The following MACROD2 variants were observed in gnomAD, a reference collection of about 807,000 sequenced individuals.
The protein encoded by MACROD2 is mono-ADP ribosylhydrolase 2, also known as ADP-ribose glycohydrolase MACROD2.
Under a neutral mutation model 70.4 loss-of-function variants are expected in MACROD2, and 36 were observed. That is an observed-to-expected ratio of 0.51 (90% CI 0.39 to 0.68). The LOEUF (loss-of-function observed/expected upper bound fraction) is 0.68. MACROD2 is among the 30% of genes least tolerant of loss of function. The pLI is 0.00. For synonymous variants in MACROD2, 172 were observed against 178.8 expected (o/e 0.96, Z 0.30); for missense variants, 496 against 538.4 (o/e 0.92, Z 0.78).
chr20:15,310,504 T>A (rs922494787), intron 6 of MACROD2, among the ~76,000 whole-genome samples: 3 of 152,104 alleles, frequency 2.0e-5, no homozygotes, highest in African/African-American at 7.2e-5. Context: ...AATAAAATGG[T>A]TCACTGGAAG....
At chr20:15,844,070 C>A (rs1348069296) in intron 8 of MACROD2, among the ~76,000 whole-genome samples, 1 of 151,616 alleles carries the variant, frequency 6.6e-6, no homozygotes, top group Non-Finnish European at 1.5e-5. Context: ...ATATGAGTAG[C>A]AAAAATGTAC....
intron 3 of MACROD2, among the ~76,000 whole-genome samples, chr20:14,371,896 G>C (rs572706704): frequency 9.1e-4 from 138 of 151,810 alleles, no homozygotes; most frequent in African/African-American, 3.1e-3. Flanking sequence ...AATTACTCGA[G>C]GGCCTTTTCT....
intron 3 of MACROD2, among the ~76,000 whole-genome samples, chr20:14,249,263 A>G (rs888907456): frequency 2.6e-5 from 4 of 151,674 alleles, no homozygotes; most frequent in Non-Finnish European, 4.4e-5. Context: ...ACCACCCTCA[A>G]TTGTGGCAGG....
At chr20:14,813,662 G>A (rs1353032485) in intron 5 of MACROD2, among the ~76,000 whole-genome samples, 1 of 152,004 alleles carries the variant, frequency 6.6e-6, no homozygotes, top group Non-Finnish European at 1.5e-5. Flanking sequence ...TGTGGGAAGG[G>A]GTGTGGAGTT....
At chr20:14,747,711 G>A (rs1180856260) in intron 5 of MACROD2, among the ~76,000 whole-genome samples, 2 of 152,076 alleles carry the variant, frequency 1.3e-5, no homozygotes, top group Non-Finnish European at 2.9e-5. Context: ...GCAGATTAGA[G>A]TGGTATGATA....
intron 3 of MACROD2, among the ~76,000 whole-genome samples, chr20:14,255,294 A>C (rs1203891110): frequency 6.6e-6 from 1 of 152,160 alleles, no homozygotes; most frequent in African/African-American, 2.4e-5. Context: ...CAAATGTCCA[A>C]CAATGATAGG....
intron 6 of MACROD2, among the ~76,000 whole-genome samples, chr20:15,294,186 G>T (rs1254087816): frequency 6.6e-6 from 1 of 150,646 alleles, no homozygotes; most frequent in Admixed American, 6.6e-5. Flanking sequence ...TTCTCTTGAA[G>T]ACTTGGAAGT....
chr20:14,469,787 A>G (rs145698628), intron 3 of MACROD2, among the ~76,000 whole-genome samples: 4 of 151,816 alleles, frequency 2.6e-5, no homozygotes, highest in Admixed American at 6.6e-5. Context: ...CAGGTCATCT[A>G]TGTTCTTCTC....
intron 5 of MACROD2, among the ~76,000 whole-genome samples, chr20:15,070,510 G>A (rs2075610521): frequency 6.6e-6 from 1 of 152,124 alleles, no homozygotes; most frequent in Admixed American, 6.5e-5. Flanking sequence ...TTGGAGGCAA[G>A]GTCTAGTGGG....
intron 6 of MACROD2, among the ~76,000 whole-genome samples, chr20:15,247,944 T>C (rs955289775): frequency 6.6e-6 from 1 of 152,184 alleles, no homozygotes; most frequent in African/African-American, 2.4e-5. Context: ...GTGATCTGCC[T>C]GTCTTGGCTT....
chr20:14,055,529 A>G (rs896414194), intron 2 of MACROD2, among the ~76,000 whole-genome samples: 3 of 150,280 alleles, frequency 2.0e-5, no homozygotes, highest in Non-Finnish European at 3.0e-5. Context: ...AAAAAAATAC[A>G]TATATATACA....
At chr20:15,898,870 A>G (rs893912558) in intron 10 of MACROD2, among the ~76,000 whole-genome samples, 32 of 152,132 alleles carry the variant, frequency 2.1e-4, no homozygotes, top group African/African-American at 7.7e-4. Context: ...ATATATGTAA[A>G]TATATATAGA....
chr20:15,159,312 G>A (rs1254592653), intron 5 of MACROD2, among the ~76,000 whole-genome samples: 1 of 151,956 alleles, frequency 6.6e-6, no homozygotes, highest in Non-Finnish European at 1.5e-5. Flanking sequence ...TTCATTCTCT[G>A]CCTTTTTTTC....
chr20:15,961,471 T>C (rs772837693), intron 12 of MACROD2, among the ~76,000 whole-genome samples: 2 of 152,196 alleles, frequency 1.3e-5, no homozygotes, highest in Non-Finnish European at 2.9e-5. Flanking sequence ...AGCCACACTT[T>C]CCAAGTGTCT....
intron 5 of MACROD2, among the ~76,000 whole-genome samples, chr20:15,212,554 G>A (rs962560508): frequency 1.3e-5 from 2 of 150,744 alleles, no homozygotes; most frequent in South Asian, 2.1e-4. Flanking sequence ...TAGTGTGTGC[G>A]ACAACAGGGC....
In MACROD2 at chr20:14,579,267, C is replaced by G. The variant is rs921247479; in HGVS notation, c.301+85759C>G. ...CGCCATTCTCCTGCCTCAGCCTCCC[C>G]AGTAGCTGGGACTACAGGCGCCCGC... On this transcript the variant is annotated intron_variant, in intron 4 of 17. Transcript: ENST00000684519. Among the ~76,000 whole-genome samples, 96 of 151,196 alleles carry G rather than the reference C, an allele frequency of 6.3e-4. 1 individual carries two copies. The highest frequency in any genetic ancestry group is 2.0e-3 in the African/African-American group (84 of 41,274).
intron 5 of MACROD2, among the ~76,000 whole-genome samples, chr20:14,729,242 C>T (rs762435699): frequency 3.3e-5 from 5 of 152,048 alleles, no homozygotes; most frequent in Non-Finnish European, 7.4e-5. Flanking sequence ...TACAGATATG[C>T]TCTAGTAGCA....
intron 6 of MACROD2, among the ~76,000 whole-genome samples, chr20:15,340,394 C>T (rs1395774069): frequency 6.6e-6 from 1 of 151,826 alleles, no homozygotes; most frequent in African/African-American, 2.4e-5. Flanking sequence ...CCTCGGACTC[C>T]CAAAGTCCTG....
Position 15,562,368 on chromosome 20 carries a change from A to G in MACROD2, c.645+62521A>G, listed in dbSNP as rs141381826. 3.2e-3 allele frequency among the ~76,000 whole-genome samples: 495 copies of G among 152,326 alleles called. 2 individuals carry two copies. The highest frequency in any genetic ancestry group is 0.011 in the African/African-American group (476 of 41,578). On this transcript the variant is annotated intron_variant, in intron 8 of 17. Coordinates refer to ENST00000684519, the MANE Select transcript of MACROD2 (RefSeq NM_001351661.2). ...TGTGAATACAAAGTTAATTAGTATG[A>G]AAAGTCCCATTTTCCACCACATTTC...
Sources: allele counts gnomAD v4.1 joint callset (sites outside exome capture counted in the v4.1 genomes callset), GRCh38; gene constraint gnomAD v4.1.1; transcripts MANE v1.5; gene names NCBI Gene and HGNC (gene_info 2026-07-23, HGNC 2026-07-21).